The following NCAPG2 variants were observed in gnomAD, a reference collection of about 807,000 sequenced individuals.
The protein encoded by NCAPG2 is condensin-2 complex subunit G2.
In NCAPG2, 53 loss-of-function variants were observed where a neutral mutation model predicts 141.1. The ratio of observed to expected loss-of-function variants is 0.38; its 90% CI spans 0.30 to 0.47. The LOEUF is 0.47. Ranked by LOEUF, NCAPG2 falls within the 20% of genes least tolerant of loss-of-function variation. The pLI is 0.99. For synonymous variants in NCAPG2, 499 were observed against 490.7 expected (o/e 1.02, Z -0.22); for missense variants, 1,087 against 1,389.0 (o/e 0.78, Z 3.46).
intron 12 of NCAPG2, among the ~76,000 whole-genome samples, chr7:158,673,602 C>G (rs1833879643): frequency 6.6e-6 from 1 of 152,208 alleles, no homozygotes; most frequent in Non-Finnish European, 1.5e-5. Flanking sequence ...GGAGCACTTC[C>G]TAATCTGCAT....
chr7:158,682,111 T>C lies in NCAPG2; in HGVS notation c.924+1189A>G, dbSNP rs569893412. On this transcript the variant is annotated intron_variant, in intron 9 of 27. Coordinates refer to ENST00000356309, the MANE Select transcript of NCAPG2 (RefSeq NM_017760.7). The stretch of plus-strand genomic sequence containing the variant: ...TGCATTTTTCCATAAATTTACCAAA[T>C]AGTGATATCTATACTTATAATATCT... Among the ~76,000 whole-genome samples the C allele has an allele frequency of 4.6e-5, 7 of 152,310 alleles. No individual in the cohort carries two copies. The South Asian group carries it at 1.4e-3, about 32-fold the overall frequency.
intron 19 of NCAPG2, among the ~76,000 whole-genome samples, chr7:158,656,021 G>A (rs536161326): frequency 1.2e-4 from 19 of 152,282 alleles, no homozygotes; most frequent in East Asian, 3.9e-4. Context: ...GAGTCCTAGC[G>A]CCCTAGCAGG....
intron 2 of NCAPG2, among the ~76,000 whole-genome samples, chr7:158,699,307 G>A (rs910049384): frequency 2.0e-5 from 3 of 152,110 alleles, no homozygotes; most frequent in African/African-American, 7.2e-5. Flanking sequence ...AAGGACAAGG[G>A]CATACAGTAT....
At chr7:158,680,367 T>C (rs1200372587) in intron 10 of NCAPG2, among the ~76,000 whole-genome samples, 1 of 152,156 alleles carries the variant, frequency 6.6e-6, no homozygotes, top group Non-Finnish European at 1.5e-5. Flanking sequence ...TGAAAGTTAT[T>C]GTGTGTTTGT....
chr7:158,641,411 C>A, intron 27 of NCAPG2: 2 of 536,726 alleles, frequency 3.7e-6, no homozygotes, highest in South Asian at 2.6e-5. Context: ...AATATAAAGA[C>A]ACATATAGAT....
intron 27 of NCAPG2, among the ~76,000 whole-genome samples, chr7:158,643,976 T>C (rs1370794240): frequency 2.0e-5 from 3 of 152,246 alleles, no homozygotes; most frequent in Admixed American, 2.0e-4. Flanking sequence ...GAAACGCCCA[T>C]GGTTTCAATA....
At chr7:158,651,941 C>T (rs542405244) in intron 23 of NCAPG2, among the ~76,000 whole-genome samples, 1 of 152,208 alleles carries the variant, frequency 6.6e-6, no homozygotes, top group Non-Finnish European at 1.5e-5. Flanking sequence ...AACAATTATG[C>T]GCTCAGAACC....
At position 158,692,861 on chromosome 7, in the gene NCAPG2, T is replaced by C; in HGVS notation, c.363A>G (p.Glu121=). 1 of 1,572,218 alleles carries C rather than the reference T, an allele frequency of 6.4e-7. No individual in the cohort carries two copies. Among genetic ancestry groups the C allele is most frequent in the Non-Finnish European group, 8.7e-7 (1 of 1,146,522 alleles). The change falls in exon 4 of 28, where the codon GAA becomes GAG. Residue 121 remains glutamate (E), a synonymous_variant. Transcript: ENST00000356309. ...ACTCACCATTTAATATAATAACACA[T>C]TCCAGTAGGGCTTCGTAGTTCTCAC... The part of the protein sequence containing the change: ...NESENYEALL[E]CVIILNGILY...
chr7:158,651,471 T>G (rs6972015), intron 23 of NCAPG2, among the ~76,000 whole-genome samples: 1,936 of 152,280 alleles, frequency 0.013, 41 homozygotes, highest in African/African-American at 0.044. Flanking sequence ...CAACCTTCAA[T>G]GACCTCTATC....
At chr7:158,673,975 G>A (rs1563551786) in intron 12 of NCAPG2, among the ~76,000 whole-genome samples, 1 of 152,234 alleles carries the variant, frequency 6.6e-6, no homozygotes, top group Admixed American at 6.5e-5. Context: ...CTTTACTGGA[G>A]TAGTGGACAT....
At chr7:158,646,319 G>T in intron 25 of NCAPG2, 141 bp downstream of exon 25, 1 of 584,152 alleles carries the variant, frequency 1.7e-6, no homozygotes, top group Non-Finnish European at 2.9e-6. Flanking sequence ...TGATAAAATG[G>T]AGAAAAAATT....
At chr7:158,685,580 TTATAATAC>T in intron 8 of NCAPG2, among the ~76,000 whole-genome samples, 1 of 152,326 alleles carries the variant, frequency 6.6e-6, no homozygotes, top group South Asian at 2.1e-4. Flanking sequence ...TCTAGATTAC[TTATAATAC>T]TTAATACAGT....
At chr7:158,650,721 T>G (rs1415277875) in intron 24 of NCAPG2, 111 bp downstream of exon 24, 6 of 1,378,308 alleles carry the variant, frequency 4.4e-6, no homozygotes, top group African/African-American at 1.5e-5. Context: ...CACTCAAGTT[T>G]GAAAATTCTT....
At chr7:158,700,628 C>T (rs1038380221) in intron 2 of NCAPG2, among the ~76,000 whole-genome samples, 4 of 152,062 alleles carry the variant, frequency 2.6e-5, no homozygotes, top group Non-Finnish European at 4.4e-5. Context: ...TATGAGTTTG[C>T]GATTATTTTT....
chr7:158,662,593 T>C (rs892111918), intron 15 of NCAPG2, among the ~76,000 whole-genome samples: 1 of 152,250 alleles, frequency 6.6e-6, no homozygotes, highest in South Asian at 2.1e-4. Flanking sequence ...AGAAACAGTT[T>C]ACATGAAGAA....
chr7:158,701,529 A>G (rs772277607), intron 2 of NCAPG2, among the ~76,000 whole-genome samples: 10 of 152,204 alleles, frequency 6.6e-5, no homozygotes, highest in Non-Finnish European at 1.3e-4. Context: ...CTGAACTTCA[A>G]GTTCAAACAC....
At chr7:158,674,554 T>G (rs1330205005) in intron 12 of NCAPG2, among the ~76,000 whole-genome samples, 1 of 152,200 alleles carries the variant, frequency 6.6e-6, no homozygotes, top group Non-Finnish European at 1.5e-5. Flanking sequence ...CCTCCCAAAG[T>G]GCTGGGATTA....
chr7:158,659,528 C>T (rs527474819), intron 16 of NCAPG2, among the ~76,000 whole-genome samples: 1 of 151,896 alleles, frequency 6.6e-6, no homozygotes, highest in South Asian at 2.1e-4. Flanking sequence ...ACACAGAATC[C>T]CAGTACAGTA....
intron 13 of NCAPG2, among the ~76,000 whole-genome samples, chr7:158,665,595 A>G (rs1193925510): frequency 1.3e-5 from 2 of 152,242 alleles, no homozygotes; most frequent in African/African-American, 4.8e-5. Flanking sequence ...TCTTCTTTAC[A>G]TCATTCCAAC....
Sources: allele counts gnomAD v4.1 joint callset (sites outside exome capture counted in the v4.1 genomes callset), GRCh38; gene constraint gnomAD v4.1.1; transcripts MANE v1.5; gene names NCBI Gene and HGNC (gene_info 2026-07-23, HGNC 2026-07-21).